The following PTPRN2 variants were observed in gnomAD, a reference collection of about 807,000 sequenced individuals.
PTPRN2 encodes receptor-type tyrosine-protein phosphatase N2.
Under a neutral mutation model 118.8 loss-of-function variants are expected in PTPRN2, and 74 were observed. The ratio of observed to expected loss-of-function variants is 0.62; its 90% CI spans 0.52 to 0.76. The LOEUF is 0.76. Among genes scored for constraint, PTPRN2 ranks in the 30% least tolerant of loss-of-function variants. The pLI is 0.00. For synonymous variants in PTPRN2, 641 were observed against 608.0 expected, an observed-to-expected ratio of 1.05 and a Z score of -0.80; for missense variants, 1,481 against 1,394.4, an observed-to-expected ratio of 1.06 and a Z score of -0.99.
chr7:158,099,008 A>AC lies in PTPRN2; in HGVS notation c.1643+11820_1643+11821insG, dbSNP rs1563432599. 5.4e-3 allele frequency among the ~76,000 whole-genome samples: 69 copies of AC among 12,716 alleles called. 4 individuals are homozygous for AC. In the East Asian group the frequency reaches 0.085, roughly 16 times the overall value. The allele number at this position is 12,716 out of a possible 152,430, so 8.3% of individuals were successfully genotyped here. Reference sequence around the variant, plus strand: ...CCCGGCTGCCTCCCCTTCCTCCCCCAACACATCCCGGCTGCCTCCCCTTCC... The same window carrying AC: ...CCCGGCTGCCTCCCCTTCCTCCCCCACACACATCCCGGCTGCCTCCCCTTCC... On this transcript the variant is annotated intron_variant, in intron 10 of 22. Coordinates refer to ENST00000389418, the MANE Select transcript of PTPRN2 (RefSeq NM_002847.5).
At chr7:157,769,894 C>G (rs989605620) in intron 12 of PTPRN2, among the ~76,000 whole-genome samples, 1 of 152,242 alleles carries the variant, frequency 6.6e-6, no homozygotes, top group African/African-American at 2.4e-5. Context: ...TTATTCTTCC[C>G]AAGACCCGGC....
At chr7:157,772,473 A>G (rs1407881626) in intron 12 of PTPRN2, among the ~76,000 whole-genome samples, 1 of 152,242 alleles carries the variant, frequency 6.6e-6, no homozygotes, top group Non-Finnish European at 1.5e-5. Context: ...GTGTGAGCCC[A>G]GCAGAGTCCT....
intron 11 of PTPRN2, among the ~76,000 whole-genome samples, chr7:158,064,804 C>G (rs563045201): frequency 3.2e-4 from 48 of 152,284 alleles, no homozygotes; most frequent in African/African-American, 1.0e-3. Flanking sequence ...CCATTCTCCT[C>G]CAAGTCACAG....
intron 2 of PTPRN2, among the ~76,000 whole-genome samples, chr7:158,323,378 G>T (rs1374806842): frequency 6.6e-6 from 1 of 152,194 alleles, no homozygotes; most frequent in African/African-American, 2.4e-5. Context: ...CCCCTTCACT[G>T]TGCAGACAGA....
At chr7:157,762,737 A>G (rs540527539) in intron 12 of PTPRN2, among the ~76,000 whole-genome samples, 2 of 152,008 alleles carry the variant, frequency 1.3e-5, no homozygotes, top group Non-Finnish European at 2.9e-5. Flanking sequence ...TAAAACTTAA[A>G]GTATAATAAT....
chr7:158,244,950 C>T (rs1009352293), intron 3 of PTPRN2, among the ~76,000 whole-genome samples: 28 of 152,210 alleles, frequency 1.8e-4, no homozygotes, highest in African/African-American at 1.7e-4. Flanking sequence ...GTGGGAGAAG[C>T]GACAGGCCTG....
At chr7:158,384,699 A>T (rs1202352967) in intron 2 of PTPRN2, among the ~76,000 whole-genome samples, 1 of 152,236 alleles carries the variant, frequency 6.6e-6, no homozygotes, top group Non-Finnish European at 1.5e-5. Context: ...AACTGTGTGC[A>T]TAACACCCAT....
intron 12 of PTPRN2, among the ~76,000 whole-genome samples, chr7:157,693,290 C>T (rs1471030418): frequency 6.6e-6 from 1 of 152,028 alleles, no homozygotes; most frequent in African/African-American, 2.4e-5. Flanking sequence ...GTGGTGTTCC[C>T]GGGACTCCCC....
At chr7:158,278,117 G>C (rs1273957647) in intron 3 of PTPRN2, among the ~76,000 whole-genome samples, 3 of 152,182 alleles carry the variant, frequency 2.0e-5, no homozygotes, top group Non-Finnish European at 4.4e-5. Context: ...CAGGAGGCCT[G>C]AGCCTGCCCC....
chr7:158,376,128 G>A (rs982273553), intron 2 of PTPRN2, among the ~76,000 whole-genome samples: 4 of 152,144 alleles, frequency 2.6e-5, no homozygotes, highest in African/African-American at 9.7e-5. Flanking sequence ...CTACTGCAGG[G>A]CCAGAGCCCA....
intron 12 of PTPRN2, among the ~76,000 whole-genome samples, chr7:157,773,955 A>G (rs1788076834): frequency 1.3e-5 from 2 of 152,266 alleles, no homozygotes; most frequent in Admixed American, 6.5e-5. Context: ...ACCTCACTTC[A>G]TTCCAGAAAG....
chr7:157,743,173 G>T (rs975717897), intron 12 of PTPRN2, among the ~76,000 whole-genome samples: 1 of 152,238 alleles, frequency 6.6e-6, no homozygotes, highest in Non-Finnish European at 1.5e-5. Context: ...ATACTCACAG[G>T]TCAGGAGGTC....
chr7:158,192,543 C>A, intron 4 of PTPRN2, 48 bp from the exon 5 acceptor site: 1 of 1,545,976 alleles, frequency 6.5e-7, no homozygotes, highest in Non-Finnish European at 8.7e-7. Flanking sequence ...TTGCTGGTGC[C>A]TGGAGCTGCT....
At chr7:158,319,612 TACACACACAGCCTCCCTCAC>T (rs1802715766) in intron 2 of PTPRN2, among the ~76,000 whole-genome samples, 1 of 4,664 alleles carries the variant, frequency 2.1e-4, no homozygotes. Context: ...GCCTCCCTTG[TACACACACAGCCTCCCTCAC>T]ACACACACAG....
At chr7:158,041,920 G>C (rs1273575205) in intron 11 of PTPRN2, among the ~76,000 whole-genome samples, 2 of 152,108 alleles carry the variant, frequency 1.3e-5, no homozygotes, top group African/African-American at 4.8e-5. Context: ...GCCATGTCAG[G>C]CTCCTTTACT....
chr7:157,685,269 G>A (rs1797126549), intron 12 of PTPRN2, among the ~76,000 whole-genome samples: 1 of 151,882 alleles, frequency 6.6e-6, no homozygotes, highest in Non-Finnish European at 1.5e-5. Context: ...CCGCTGCCCC[G>A]GCGTCGGGAG....
intron 2 of PTPRN2, among the ~76,000 whole-genome samples, chr7:158,333,832 AC>A: frequency 7.8e-6 from 1 of 127,670 alleles, no homozygotes; most frequent in African/African-American, 3.0e-5. Flanking sequence ...TCACACCCAC[AC>A]TCTCACCATA....
chr7:157,768,498 C>A (rs114627846), intron 12 of PTPRN2, among the ~76,000 whole-genome samples: 156 of 152,272 alleles, frequency 1.0e-3, no homozygotes, highest in Non-Finnish European at 1.8e-3. Context: ...TGAGAGCACG[C>A]GGCCGCAACA....
intron 11 of PTPRN2, among the ~76,000 whole-genome samples, chr7:157,980,655 G>A (rs1585128785): frequency 6.6e-6 from 1 of 152,314 alleles, no homozygotes; most frequent in East Asian, 1.9e-4. Context: ...GGAGACTGAG[G>A]CAGGAGAATC....
Sources: gnomAD v4.1 joint callset for allele counts (sites outside exome capture counted in the v4.1 genomes callset) on GRCh38, gnomAD v4.1.1 for gene constraint, MANE v1.5 for transcripts, NCBI Gene and HGNC (gene_info 2026-07-23, HGNC 2026-07-21) for gene names.